PRRC2B: variants seen among roughly 807,000 people sequenced by gnomAD.
The protein encoded by PRRC2B is proline rich coiled-coil 2B, also known as protein PRRC2B.
In PRRC2B, 68 loss-of-function variants were observed where a neutral mutation model predicts 242.3. The ratio of observed to expected loss-of-function variants is 0.28; its 90% confidence interval spans 0.23 to 0.34. The LOEUF (loss-of-function observed/expected upper bound fraction) is 0.34. Among genes scored for constraint, PRRC2B ranks in the 10% least tolerant of loss-of-function variants. PRRC2B has a pLI of 1.00. For synonymous variants in PRRC2B, 1,228 were observed against 1,173.6 expected (o/e 1.05, Z -0.95); for missense variants, 2,835 against 2,954.8 (o/e 0.96, Z 0.94).
chr9:131,420,451 CTTTTT>C (rs1837775909), intron 1 of PRRC2B, among the ~76,000 whole-genome samples: 1 of 44,322 alleles, frequency 2.3e-5, no homozygotes, highest in African/African-American at 7.8e-5. Flanking sequence ...TTTTCTTTTT[CTTTTT>C]CTTTCTTTCT....
At chr9:131,375,598 C>A (rs1836673829) in intron 1 of PRRC2B, among the ~76,000 whole-genome samples, 1 of 152,094 alleles carries the variant, frequency 6.6e-6, no homozygotes, top group Non-Finnish European at 1.5e-5. Flanking sequence ...GTCCTTATTT[C>A]ATTGTCTGCC....
intron 28 of PRRC2B, among the ~76,000 whole-genome samples, chr9:131,488,548 C>T (rs532139371): frequency 6.6e-6 from 1 of 152,324 alleles, no homozygotes; most frequent in South Asian, 2.1e-4. Context: ...AGGCGTGAGC[C>T]ACCACCCCTG....
Position 131,476,308 on chromosome 9 carries a change from T to C in PRRC2B, c.4179T>C (p.Pro1393=). Residue 1393 remains proline (P), a synonymous_variant, in exon 16 of 32, where the codon CCT becomes CCC. Coordinates refer to ENST00000683519, the MANE Select transcript of PRRC2B (RefSeq NM_013318.4). ...FSERRERREG[P]GSEPDSQVDG... ...AGCGGCGGGAGCGGCGGGAAGGCCC[T>C]GGGTCCGAGCCCGACTCCCAGGTGG... 1 of 1,580,286 alleles carries C rather than the reference T, an allele frequency of 6.3e-7. No homozygotes were observed. The highest frequency in any genetic ancestry group is 1.1e-5 in the South Asian group (1 of 87,278).
At chr9:131,460,072 T>C (rs1032119547) in intron 11 of PRRC2B, among the ~76,000 whole-genome samples, 4 of 151,998 alleles carry the variant, frequency 2.6e-5, no homozygotes, top group African/African-American at 9.7e-5. Flanking sequence ...TCTAAACTGA[T>C]TGAACAGTAA....
chr9:131,488,480 C>T (rs1350345916), intron 28 of PRRC2B, among the ~76,000 whole-genome samples: 4 of 152,086 alleles, frequency 2.6e-5, no homozygotes, highest in South Asian at 2.1e-4. Context: ...AGGCTGGTCT[C>T]GAACCCCTGA....
Position 131,492,854 on chromosome 9 carries a change from T to C in PRRC2B, c.6473+594T>C, listed in dbSNP as rs79649680. Among the ~76,000 whole-genome samples the C allele has an allele frequency of 5.1e-3, 783 of 152,342 alleles. 1 individual carries two copies. Among genetic ancestry groups the C allele is most frequent in the South Asian group, 0.013 (64 of 4,832 alleles). ...TGGCGAGAGCCTCTGGTCCACTGCCTTTTCTGCCCGTGCTGGTGTGTGAAG... is the reference window on the plus strand; with the variant it reads ...TGGCGAGAGCCTCTGGTCCACTGCCCTTTCTGCCCGTGCTGGTGTGTGAAG... On this transcript the variant is annotated intron_variant, in intron 30 of 31. Coordinates refer to ENST00000683519, the MANE Select transcript of PRRC2B (RefSeq NM_013318.4).
rs115727457 is a variant in PRRC2B, at chr9:131,453,144, G to A, written c.1121-1932G>A. Among the ~76,000 whole-genome samples, 325 of 152,280 alleles carry A rather than the reference G, an allele frequency of 2.1e-3. 1 individual carries two copies. The highest frequency in any genetic ancestry group is 7.5e-3 in the African/African-American group (311 of 41,566). On this transcript the variant is annotated intron_variant, in intron 9 of 31. Transcript: ENST00000683519. ...TTTATAGTTTCTATGCCTTTCTGGT[G>A]TGTTTCCACATTTCCCTCGTTATCT...
intron 22 of PRRC2B, 111 bp downstream of exon 22, chr9:131,483,018 G>A (rs1163909649): frequency 2.4e-6 from 3 of 1,272,820 alleles, no homozygotes; most frequent in African/African-American, 3.0e-5. Flanking sequence ...AAGGATGGGA[G>A]CCAAGCAGTC....
rs200933338 is a variant in PRRC2B, at chr9:131,473,717, C to T, written c.2317C>T (p.Arg773Cys). The T allele has an allele frequency of 8.5e-5, 137 of 1,612,058 alleles. 1 individual carries two copies. Among genetic ancestry groups the T allele is most frequent in the Non-Finnish European group, 1.1e-4 (126 of 1,178,948 alleles). Residue 773 changes from arginine (R) to cysteine (C), a missense_variant, in exon 15 of 32, where the codon CGT (arginine) becomes TGT (cysteine). Physicochemically the swap from Arg to Cys is radical, Grantham distance 180 (BLOSUM62 -3). Transcript: ENST00000683519. ...GAGTGACACCTTGGCTATGGACATGCGTGTCAGGTGAGATGAAGCCTGGTC... is the reference window on the plus strand; with the variant it reads ...GAGTGACACCTTGGCTATGGACATGTGTGTCAGGTGAGATGAAGCCTGGTC... ...KSSDTLAMDM[R>C]VRNESSFSAS... is the part of the protein sequence containing the mutation.
chr9:131,484,647 C>T (rs1427470729), intron 23 of PRRC2B, 39 bp from the exon 24 acceptor site: 4 of 1,528,192 alleles, frequency 2.6e-6, no homozygotes, highest in Non-Finnish European at 3.6e-6. Flanking sequence ...CATCTCTGCA[C>T]CTGTTTGTGT....
chr9:131,474,532 G>A lies in PRRC2B; in HGVS notation c.2403G>A (p.Gly801=), dbSNP rs756912076. ...SAQRDLFEER[G]EEYLSAFDKK... is the part of the protein sequence containing the mutation. ...AGCGCGATCTCTTTGAGGAGAGAGGGGAGGAGTACTTGAGTGCTTTTGACA... is the reference window on the plus strand; with the variant it reads ...AGCGCGATCTCTTTGAGGAGAGAGGAGAGGAGTACTTGAGTGCTTTTGACA... Residue 801 remains glycine, a synonymous_variant, in exon 16 of 32, where the codon GGG becomes GGA. Transcript: ENST00000683519. 1.1e-5 allele frequency: 17 copies of A among 1,613,960 alleles called. No individual in the cohort carries two copies. Among genetic ancestry groups the A allele is most frequent in the Non-Finnish European group, 1.0e-5 (12 of 1,179,882 alleles).
chr9:131,386,528 C>G lies in PRRC2B; in HGVS notation c.-56+12797C>G, dbSNP rs1836827634. 2.0e-5 allele frequency among the ~76,000 whole-genome samples: 3 copies of G among 150,186 alleles called. No homozygotes were observed. In the South Asian group the frequency reaches 6.3e-4, roughly 32 times the overall value. ...AACAGAGCCTTTGACTTGACTTTCC[C>G]CCCTTAATACTTCCTCATCTGTCTT... On this transcript the variant is annotated intron_variant, in intron 1 of 1. Coordinates refer to the PRRC2B transcript ENST00000682525.
At position 131,473,520 on chromosome 9, in the gene PRRC2B, C is replaced by A. The variant is rs764778738; in HGVS notation, c.2120C>A (p.Pro707His). The change falls in exon 15 of 32, where the codon CCC (proline) becomes CAC (histidine). Residue 707 changes from proline (P) to histidine (H), a missense_variant. By Grantham distance (77) the Pro-to-His change is moderately conservative (BLOSUM62 -2). Coordinates refer to ENST00000683519, the MANE Select transcript of PRRC2B (RefSeq NM_013318.4). ...SALHPSGLMK[P>H]MMPQESLNGT... is the part of the protein sequence containing the mutation. Reference sequence around the variant, plus strand: ...TTGCCTTCTTCAGGACTGATGAAGCCCATGATGCCCCAGGAGTCCCTCAAT... The same window carrying A: ...TTGCCTTCTTCAGGACTGATGAAGCACATGATGCCCCAGGAGTCCCTCAAT... 16 of 1,600,592 alleles carry A rather than the reference C, an allele frequency of 1.0e-5. No individual in the cohort carries two copies. Among genetic ancestry groups the A allele is most frequent in the Non-Finnish European group, 1.4e-5 (16 of 1,173,798 alleles).
intron 3 of PRRC2B, among the ~76,000 whole-genome samples, chr9:131,433,949 T>C (rs1031571693): frequency 1.3e-5 from 2 of 152,216 alleles, no homozygotes; most frequent in Non-Finnish European, 2.9e-5. Flanking sequence ...AGGGATCATA[T>C]TGATGGACAG....
chr9:131,431,889 C>T (rs111637247), intron 2 of PRRC2B, among the ~76,000 whole-genome samples: 8,631 of 152,040 alleles, frequency 0.057, 327 homozygotes, highest in Admixed American at 0.11. Flanking sequence ...CCCGGCCATC[C>T]TTAAAGAATT....
chr9:131,476,211 T>G lies in PRRC2B; in HGVS notation c.4082T>G (p.Leu1361Arg). ...SGTVGRRSPE[L>R]SYQNSSDHAN... ...ACTGTGGGCCGCAGGTCCCCTGAGC[T>G]CTCCTACCAGAACTCCTCCGATCAC... Residue 1361 changes from leucine to arginine, a missense_variant, in exon 16 of 32, where the codon CTC becomes CGC. Transcript: ENST00000683519. The G allele has an allele frequency of 6.2e-7, 1 of 1,613,432 alleles. No homozygotes were observed. Among genetic ancestry groups the G allele is most frequent in the Non-Finnish European group, 8.5e-7 (1 of 1,179,802 alleles).
At chr9:131,478,642 G>GGGGGGGGGC in intron 18 of PRRC2B, 23 bp downstream of exon 18, 2 of 482,040 alleles carry the variant, frequency 4.1e-6, no homozygotes, top group East Asian at 5.2e-5. Context: ...GGGTGGGGGG[G>GGGGGGGGGC]CATGGGGCTG....
intron 1 of PRRC2B, among the ~76,000 whole-genome samples, chr9:131,407,746 A>G (rs537049295): frequency 6.6e-6 from 1 of 152,326 alleles, no homozygotes; most frequent in East Asian, 1.9e-4. Context: ...GAACGTCTCT[A>G]TAGCAGCAAA....
rs149433247 is a variant in PRRC2B at position 131,439,667 on chromosome 9, GTGCTCAAA to G, written c.469+607_469+614del. Among the ~76,000 whole-genome samples the G allele has an allele frequency of 6.0e-3, 908 of 152,306 alleles. 9 individuals carry two copies. The highest frequency in any genetic ancestry group is 0.021 in the African/African-American group (875 of 41,574). On this transcript the variant is annotated intron_variant, in intron 5 of 31. Transcript: ENST00000683519. Reference sequence around the variant, plus strand: ...CTGCCCCTTATGGGTTGAAATCCCTGTGCTCAAAGGCTCTTCCCTCAGTCTCCAACGGG... The same window carrying G: ...CTGCCCCTTATGGGTTGAAATCCCTGGGCTCTTCCCTCAGTCTCCAACGGG...
Sources: gnomAD v4.1 joint callset for allele counts (sites outside exome capture counted in the v4.1 genomes callset) on GRCh38, gnomAD v4.1.1 for gene constraint, MANE v1.5 for transcripts, NCBI Gene and HGNC (gene_info 2026-07-23, HGNC 2026-07-21) for gene names.